The following SLC24A2 variants were observed in gnomAD, a reference collection of about 807,000 sequenced individuals.
The protein encoded by SLC24A2 is solute carrier family 24 member 2.
SLC24A2 carries 36 observed loss-of-function variants against 62.0 expected under a neutral mutation model. The ratio of observed to expected loss-of-function variants is 0.58; its 90% CI spans 0.44 to 0.77. The LOEUF is 0.77. SLC24A2 is among the 30% of genes least tolerant of loss of function. The pLI is 0.00. For missense variants in SLC24A2, 846 were observed against 817.9 expected, an observed-to-expected ratio of 1.03 and a Z score of -0.42; for synonymous variants, 358 against 294.0, an observed-to-expected ratio of 1.22 and a Z score of -2.23.
the SLC24A2 span, among the ~76,000 whole-genome samples, chr9:19,947,877 T>C: frequency 4.6e-5 from 7 of 151,556 alleles, no homozygotes; most frequent in Non-Finnish European, 8.8e-5. Flanking sequence ...TCAATACACT[T>C]TGTTGGATAG....
the SLC24A2 span, among the ~76,000 whole-genome samples, chr9:19,996,246 C>A: frequency 1.3e-5 from 2 of 152,148 alleles, no homozygotes; most frequent in Non-Finnish European, 1.5e-5. Context: ...GCTTCACCAA[C>A]TTTTCTATTC....
chr9:20,078,212 G>T, the SLC24A2 span, among the ~76,000 whole-genome samples: 1 of 152,138 alleles, frequency 6.6e-6, no homozygotes, highest in Non-Finnish European at 1.5e-5. Context: ...CTCCATAGTT[G>T]CTGTAGGAAG....
At chr9:19,750,874 A>G (rs1195598815) in intron 2 of SLC24A2, among the ~76,000 whole-genome samples, 1 of 152,092 alleles carries the variant, frequency 6.6e-6, no homozygotes, top group Admixed American at 6.6e-5. Context: ...CAGTTCCTGT[A>G]CCTGGAATGT....
the SLC24A2 span, among the ~76,000 whole-genome samples, chr9:20,132,190 G>C: frequency 6.6e-6 from 1 of 151,922 alleles, no homozygotes; most frequent in Non-Finnish European, 1.5e-5. Flanking sequence ...TCCAAGGAGG[G>C]TCCTCCTTGG....
the SLC24A2 span, among the ~76,000 whole-genome samples, chr9:20,004,539 C>T: frequency 6.6e-6 from 1 of 152,176 alleles, no homozygotes; most frequent in Admixed American, 6.5e-5. Context: ...TGCCTAAAGA[C>T]TCTCATTTTG....
intron 2 of SLC24A2, among the ~76,000 whole-genome samples, chr9:19,643,567 G>A (rs1016125900): frequency 6.6e-6 from 1 of 152,140 alleles, no homozygotes; most frequent in African/African-American, 2.4e-5. Flanking sequence ...TGATGGAGAA[G>A]GGCTTATAAC....
chr9:19,777,830 A>C (rs1269743429), intron 2 of SLC24A2, among the ~76,000 whole-genome samples: 3 of 152,138 alleles, frequency 2.0e-5, no homozygotes, highest in Non-Finnish European at 1.5e-5. Context: ...AACTGTTCAA[A>C]ATTTTCTTTT....
chr9:19,818,595 C>G, the SLC24A2 span, among the ~76,000 whole-genome samples: 1 of 152,062 alleles, frequency 6.6e-6, no homozygotes, highest in Non-Finnish European at 1.5e-5. Context: ...AACTCAACCC[C>G]TTTTATAGTA....
chr9:20,100,174 C>CTT, the SLC24A2 span, among the ~76,000 whole-genome samples: 2 of 148,510 alleles, frequency 1.3e-5, no homozygotes, highest in Non-Finnish European at 3.0e-5. Flanking sequence ...ACTTGGCTAA[C>CTT]TTTTTGTGTG....
the SLC24A2 span, among the ~76,000 whole-genome samples, chr9:20,000,258 C>T: frequency 6.6e-6 from 1 of 152,150 alleles, no homozygotes; most frequent in Non-Finnish European, 1.5e-5. Context: ...AAGCATATTA[C>T]ATGGACTTTG....
the SLC24A2 span, among the ~76,000 whole-genome samples, chr9:20,296,064 G>C: frequency 6.6e-6 from 1 of 152,116 alleles, no homozygotes; most frequent in East Asian, 1.9e-4. Flanking sequence ...AATTGTGTGA[G>C]GCTACTTAAT....
upstream of SLC24A2, among the ~76,000 whole-genome samples, chr9:19,792,536 CAAAAAA>C (rs1165695410): frequency 4.1e-3 from 309 of 74,604 alleles, no homozygotes; most frequent in African/African-American, 0.014. Context: ...ACTAAAAATA[CAAAAAA>C]AAAAAAAAAA....
At chr9:19,958,521 C>G in the SLC24A2 span, among the ~76,000 whole-genome samples, 2 of 152,210 alleles carry the variant, frequency 1.3e-5, no homozygotes, top group East Asian at 1.9e-4. Context: ...CCAGGCAGGT[C>G]TGAACCTCGG....
intron 2 of SLC24A2, among the ~76,000 whole-genome samples, chr9:19,697,522 A>G (rs1820227561): frequency 6.6e-6 from 1 of 152,234 alleles, no homozygotes; most frequent in South Asian, 2.1e-4. Context: ...GAAAAGCATA[A>G]AAAGTATCTG....
the SLC24A2 span, among the ~76,000 whole-genome samples, chr9:19,962,677 T>C: frequency 6.6e-6 from 1 of 152,238 alleles, no homozygotes; most frequent in South Asian, 2.1e-4. Context: ...TATTGGTGTA[T>C]AAGAATGCTT....
rs545456671 is a variant in SLC24A2, at chr9:19,686,864, A to G, written c.931-64565T>C. Among the ~76,000 whole-genome samples, 449 of 152,280 alleles carry G rather than the reference A, an allele frequency of 2.9e-3. 4 individuals are homozygous for G. Among genetic ancestry groups the G allele is most frequent in the Non-Finnish European group, 4.8e-3 (323 of 67,998 alleles). ...TCATTGCAACACTATTCACAACAGC[A>G]AAGACATGGAATAAACCTAAATGCC... On this transcript the variant is annotated intron_variant, in intron 2 of 10. Transcript: ENST00000341998.
At chr9:20,011,072 A>G in the SLC24A2 span, among the ~76,000 whole-genome samples, 3 of 152,206 alleles carry the variant, frequency 2.0e-5, no homozygotes, top group South Asian at 4.2e-4. Flanking sequence ...ATAAACATAC[A>G]TGTGCATGTG....
At chr9:19,780,862 G>T (rs948891704) in intron 2 of SLC24A2, among the ~76,000 whole-genome samples, 117 of 111,800 alleles carry the variant, frequency 1.0e-3, no homozygotes, top group African/African-American at 4.0e-3. Context: ...GACAAAGCGA[G>T]ACTCCGTCTC....
the SLC24A2 span, among the ~76,000 whole-genome samples, chr9:19,980,907 G>T: frequency 6.6e-6 from 1 of 152,190 alleles, no homozygotes; most frequent in East Asian, 1.9e-4. Context: ...TCAATCCATG[G>T]GACGGATAAC....
Sources: allele counts gnomAD v4.1 joint callset (sites outside exome capture counted in the v4.1 genomes callset), GRCh38; gene constraint gnomAD v4.1.1; transcripts MANE v1.5; gene names NCBI Gene and HGNC (gene_info 2026-07-23, HGNC 2026-07-21).